MTUS1: variants seen among roughly 807,000 people sequenced by gnomAD.
MTUS1 encodes microtubule associated scaffold protein 1.
A neutral mutation model predicts 120.8 loss-of-function variants in MTUS1; 109 were observed. The ratio of observed to expected loss-of-function variants is 0.90; its 90% CI spans 0.77 to 1.06. The LOEUF is 1.06. MTUS1 is among the 50% of genes least tolerant of loss of function. MTUS1 has a pLI of 0.00. For missense variants in MTUS1, 2,210 were observed against 1,486.3 expected (o/e 1.49, Z -8.01); for synonymous variants, 737 against 550.5 (o/e 1.34, Z -4.74).
chr8:17,679,564 C>T (rs947917998), intron 7 of MTUS1, among the ~76,000 whole-genome samples: 2 of 151,556 alleles, frequency 1.3e-5, no homozygotes, highest in East Asian at 1.9e-4. Context: ...TGCGGTGGTG[C>T]GATCTTGGCT....
intron 5 of MTUS1, among the ~76,000 whole-genome samples, chr8:17,714,216 C>A (rs892894299): frequency 1.3e-5 from 2 of 152,142 alleles, no homozygotes; most frequent in Non-Finnish European, 2.9e-5. Context: ...CTGAAGAATT[C>A]AACCCACTCC....
In MTUS1 at chr8:17,722,058, T is replaced by TAAGGA. The variant is rs1304893623; in HGVS notation, c.2449+1613_2449+1614insTCCTT. On this transcript the variant is annotated intron_variant, in intron 4 of 14. Transcript: ENST00000693296. ...AAAACAGATTAAACCAGCTAGCAAA[T>TAAGGA]CAAACTAAGAAAGAGACTCACTGAT... 1.1e-5 allele frequency: 15 copies of TAAGGA among 1,320,370 alleles called. No individual in the cohort carries two copies. The African/African-American group carries it at 2.1e-4, about 18-fold the overall frequency. 81.8% of individuals were successfully genotyped at this position (1,320,370 alleles called of 1,614,324 possible).
intron 1 of MTUS1, among the ~76,000 whole-genome samples, chr8:17,793,836 T>C (rs2051999017): frequency 6.6e-6 from 1 of 152,206 alleles, no homozygotes; most frequent in African/African-American, 2.4e-5. Flanking sequence ...GTGGAATTTT[T>C]AATGCAAAGC....
chr8:17,784,737 C>G (rs1363918360), intron 1 of MTUS1, among the ~76,000 whole-genome samples: 1 of 152,086 alleles, frequency 6.6e-6, no homozygotes, highest in African/African-American at 2.4e-5. Flanking sequence ...TCACACCACT[C>G]TGTCAGCTTC....
At chr8:17,685,805 C>A (rs1345125211) in intron 6 of MTUS1, among the ~76,000 whole-genome samples, 2 of 152,134 alleles carry the variant, frequency 1.3e-5, no homozygotes, top group African/African-American at 4.8e-5. Context: ...TCCATTGTCC[C>A]ACTGTGTCTC....
At chr8:17,656,554 C>CCG in intron 8 of MTUS1, among the ~76,000 whole-genome samples, 1 of 131,482 alleles carries the variant, frequency 7.6e-6, no homozygotes, top group South Asian at 2.8e-4. Context: ...AACCCCCCCC[C>CCG]ACCCCACATT....
At chr8:17,760,912 A>G (rs2131377108) in intron 1 of MTUS1, among the ~76,000 whole-genome samples, 1 of 152,272 alleles carries the variant, frequency 6.6e-6, no homozygotes, top group Non-Finnish European at 1.5e-5. Flanking sequence ...TAACACCAGA[A>G]CAAGGTATAA....
intron 7 of MTUS1, 127 bp downstream of exon 7, chr8:17,684,201 G>A: frequency 1.5e-6 from 1 of 686,068 alleles, no homozygotes; most frequent in Non-Finnish European, 2.6e-6. Context: ...AAAATGTAAT[G>A]GGATGAATGA....
intron 1 of MTUS1, among the ~76,000 whole-genome samples, chr8:17,765,141 A>G (rs2049375498): frequency 6.6e-6 from 1 of 152,028 alleles, no homozygotes; most frequent in Admixed American, 6.6e-5. Context: ...TAGGGTTCAC[A>G]CTCCCAGGAG....
intron 8 of MTUS1, among the ~76,000 whole-genome samples, chr8:17,663,562 T>C (rs1810235801): frequency 6.6e-6 from 1 of 151,902 alleles, no homozygotes; most frequent in South Asian, 2.1e-4. Flanking sequence ...CTTGAGCAAA[T>C]TACTTAAACT....
intron 1 of MTUS1, among the ~76,000 whole-genome samples, chr8:17,772,703 A>G (rs949921909): frequency 2.0e-5 from 3 of 152,320 alleles, no homozygotes; most frequent in Admixed American, 6.5e-5. Context: ...ACCCACTATC[A>G]TTCAATGTTA....
intron 1 of MTUS1, among the ~76,000 whole-genome samples, chr8:17,765,719 A>ACAC (rs2049434339): frequency 3.8e-5 from 3 of 78,394 alleles, no homozygotes; most frequent in South Asian, 5.0e-4. Context: ...CACACACACA[A>ACAC]ATGCACACAC....
At chr8:17,659,715 A>C (rs562501201) in intron 8 of MTUS1, among the ~76,000 whole-genome samples, 40 of 152,272 alleles carry the variant, frequency 2.6e-4, no homozygotes, top group African/African-American at 8.2e-4. Context: ...AAACAAAAAA[A>C]CTGTGATGAA....
At chr8:17,732,071 G>A (rs535037334) in intron 3 of MTUS1, among the ~76,000 whole-genome samples, 88 of 152,336 alleles carry the variant, frequency 5.8e-4, no homozygotes, top group Non-Finnish European at 8.2e-4. Flanking sequence ...CTGAGATGCC[G>A]TCCTTTGCTT....
chr8:17,654,964 T>G (rs1311931816), intron 9 of MTUS1: 6 of 322,246 alleles, frequency 1.9e-5, no homozygotes, highest in Non-Finnish European at 3.5e-5. Context: ...GCAACGCAAC[T>G]GGGATTCACC....
At chr8:17,739,001 G>C (rs991645465) in intron 3 of MTUS1, among the ~76,000 whole-genome samples, 3 of 151,350 alleles carry the variant, frequency 2.0e-5, no homozygotes, top group African/African-American at 7.3e-5. Flanking sequence ...AAATCAGCTG[G>C]GCATGCTGAC....
intron 7 of MTUS1, among the ~76,000 whole-genome samples, chr8:17,678,330 T>A (rs555401686): frequency 1.3e-5 from 2 of 152,142 alleles, no homozygotes; most frequent in Non-Finnish European, 2.9e-5. Context: ...TCAATTCTCT[T>A]TGTATTGTAA....
chr8:17,734,955 C>G (rs2046826945), intron 3 of MTUS1, among the ~76,000 whole-genome samples: 1 of 151,926 alleles, frequency 6.6e-6, no homozygotes, highest in African/African-American at 2.4e-5. Context: ...GCTCTGTCAC[C>G]CTGGCAGGAG....
intron 14 of MTUS1, among the ~76,000 whole-genome samples, chr8:17,646,507 G>A (rs528554862): frequency 6.6e-6 from 1 of 152,304 alleles, no homozygotes; most frequent in South Asian, 2.1e-4. Context: ...AGGACTGCTC[G>A]AGCCTAGGAG....
Sources: gnomAD v4.1 joint callset for allele counts (sites outside exome capture counted in the v4.1 genomes callset) on GRCh38, gnomAD v4.1.1 for gene constraint, MANE v1.5 for transcripts, NCBI Gene and HGNC (gene_info 2026-07-23, HGNC 2026-07-21) for gene names.